ILDR1: variants seen among roughly 807,000 people sequenced by gnomAD.
ILDR1 encodes the protein immunoglobulin-like domain-containing receptor 1.
Under a neutral mutation model 62.4 loss-of-function variants are expected in ILDR1, and 56 were observed. That is an observed-to-expected ratio of 0.90 (90% confidence interval 0.72 to 1.12). ILDR1 has a LOEUF of 1.12. ILDR1 is among the 50% of genes most tolerant of loss of function. The probability of loss-of-function intolerance (pLI) is 0.00; values close to 1 mark genes in which losing one functional copy is unlikely to be tolerated. For missense variants in ILDR1, 736 were observed against 710.6 expected (o/e 1.04, Z -0.41); for synonymous variants, 284 against 277.8 (o/e 1.02, Z -0.22).
intron 1 of ILDR1, among the ~76,000 whole-genome samples, chr3:122,016,838 T>A (rs1418079734): frequency 1.3e-5 from 2 of 152,130 alleles, no homozygotes; most frequent in Non-Finnish European, 2.9e-5. Flanking sequence ...AGAAGATGCT[T>A]AAAGTAGGCT....
chr3:122,005,792 G>C (rs1413780860), intron 2 of ILDR1, among the ~76,000 whole-genome samples: 1 of 151,982 alleles, frequency 6.6e-6, no homozygotes, highest in Non-Finnish European at 1.5e-5. Context: ...CCAGCTACTC[G>C]GGAGGCTAAG....
At chr3:122,019,734 T>C (rs771116860) in intron 1 of ILDR1, among the ~76,000 whole-genome samples, 1 of 152,214 alleles carries the variant, frequency 6.6e-6, no homozygotes, top group East Asian at 1.9e-4. Context: ...TACCTAAATA[T>C]GACACAATTT....
chr3:122,005,283 C>G lies in ILDR1; in HGVS notation c.340G>C (p.Gly114Arg), dbSNP rs766566337. The change falls in exon 3 of 8, where the codon GGG becomes CGG. Residue 114 changes from glycine to arginine, a missense_variant. Transcript: ENST00000344209. ...ATCTTGCGCTGCCGGTAATCTACCC[C>G]CAGCACGGGCTCATTCTGCCCCCGC... is the stretch of plus-strand genomic sequence containing the variant. ...QRRGQNEPVL[G>R]VDYRQRKITI... 9 of 1,613,756 alleles carry G rather than the reference C, an allele frequency of 5.6e-6. No individual in the cohort carries two copies. The highest frequency in any genetic ancestry group is 6.8e-6 in the Non-Finnish European group (8 of 1,179,902).
intron 5 of ILDR1, among the ~76,000 whole-genome samples, chr3:121,999,055 C>T (rs887806029): frequency 1.3e-5 from 2 of 152,230 alleles, no homozygotes; most frequent in African/African-American, 4.8e-5. Flanking sequence ...GACTACACAT[C>T]AGACATCCAA....
At chr3:122,050,772 A>G in the ILDR1 span, among the ~76,000 whole-genome samples, 4 of 152,074 alleles carry the variant, frequency 2.6e-5, no homozygotes, top group Non-Finnish European at 2.9e-5. Flanking sequence ...ATTGCTGTTT[A>G]GTATCTTTCC....
chr3:122,007,123 G>A lies in ILDR1; in HGVS notation c.97C>T (p.Arg33Cys), dbSNP rs148044268. ...SLLVTVQHTE[R>C]YVTLFASIIL... ...ATAGAGGCAAACAGGGTGACATAGCGTTCTGTGTGCTGGACCGTCACAAGC... is the reference window on the plus strand; with the variant it reads ...ATAGAGGCAAACAGGGTGACATAGCATTCTGTGTGCTGGACCGTCACAAGC... The change falls in exon 2 of 8, where the codon CGC becomes TGC. Residue 33 changes from arginine to cysteine, a missense_variant. Physicochemically the swap from Arg to Cys is radical, Grantham distance 180 (BLOSUM62 -3). Coordinates refer to ENST00000344209, the MANE Select transcript of ILDR1 (RefSeq NM_001199799.2). The A allele has an allele frequency of 9.9e-6, 16 of 1,614,096 alleles. No homozygotes were observed. The East Asian group carries it at 1.1e-4, about 11-fold the overall frequency.
chr3:121,994,710 C>T (rs916308504), intron 5 of ILDR1, among the ~76,000 whole-genome samples: 4 of 152,172 alleles, frequency 2.6e-5, no homozygotes, highest in South Asian at 2.1e-4. Flanking sequence ...GGTCCAGATG[C>T]GAAGGACTTA....
the ILDR1 span, among the ~76,000 whole-genome samples, chr3:122,028,438 T>C: frequency 1.2e-4 from 19 of 152,166 alleles, no homozygotes; most frequent in Admixed American, 3.9e-4. Context: ...AAAAACAGTT[T>C]GTTATTCTCA....
chr3:122,010,056 A>G (rs540882168), intron 1 of ILDR1, among the ~76,000 whole-genome samples: 16 of 152,382 alleles, frequency 1.0e-4, no homozygotes, highest in African/African-American at 3.8e-4. Context: ...GGCTCCAAGA[A>G]GCAGGTAGAA....
chr3:122,008,840 G>A (rs1289544431), intron 1 of ILDR1, among the ~76,000 whole-genome samples: 6 of 151,948 alleles, frequency 3.9e-5, no homozygotes, highest in Admixed American at 2.6e-4. Context: ...TGATCCACCC[G>A]CCTCAGCCTC....
intron 1 of ILDR1, among the ~76,000 whole-genome samples, chr3:122,020,289 T>C (rs1025229142): frequency 6.6e-6 from 1 of 152,268 alleles, no homozygotes; most frequent in East Asian, 1.9e-4. Context: ...AAAAGCTGTA[T>C]GAGATATGTA....
At chr3:122,002,084 G>A (rs1480050792) in intron 3 of ILDR1, among the ~76,000 whole-genome samples, 1 of 152,174 alleles carries the variant, frequency 6.6e-6, no homozygotes, top group Non-Finnish European at 1.5e-5. Flanking sequence ...AAGCTGCAGT[G>A]AGCTATGAGT....
the ILDR1 span, among the ~76,000 whole-genome samples, chr3:122,046,161 T>C: frequency 2.6e-5 from 4 of 151,964 alleles, no homozygotes; most frequent in East Asian, 1.9e-4. Context: ...AGTATTTTAT[T>C]TCTCCTTCAC....
the ILDR1 span, among the ~76,000 whole-genome samples, chr3:122,059,189 AG>A: frequency 1.3e-5 from 2 of 152,270 alleles, no homozygotes; most frequent in East Asian, 3.9e-4. Context: ...ATGCACATGA[AG>A]AGTCTTCTGC....
chr3:122,045,554 A>T, the ILDR1 span, among the ~76,000 whole-genome samples: 1 of 149,502 alleles, frequency 6.7e-6, no homozygotes, highest in African/African-American at 2.4e-5. Context: ...TGGGAGTCTA[A>T]GTCTCTTTGT....
intron 1 of ILDR1, among the ~76,000 whole-genome samples, chr3:122,015,152 C>T (rs192444037): frequency 6.6e-5 from 10 of 152,294 alleles, no homozygotes; most frequent in African/African-American, 9.6e-5. Flanking sequence ...TCAGAAACTA[C>T]GAGAGCATTG....
intron 1 of ILDR1, among the ~76,000 whole-genome samples, chr3:122,011,654 TTCTCTCTC>T (rs142396206): frequency 3.0e-5 from 2 of 67,696 alleles, no homozygotes; most frequent in East Asian, 2.7e-4. Flanking sequence ...CTGTCTCTCT[TTCTCTCTC>T]TCTCTCTCTC....
chr3:122,031,735 A>G, the ILDR1 span, among the ~76,000 whole-genome samples: 2 of 152,234 alleles, frequency 1.3e-5, no homozygotes. Context: ...TGAATCTGCC[A>G]GAATCTTGAT....
At chr3:122,035,110 C>T in the ILDR1 span, among the ~76,000 whole-genome samples, 1 of 152,192 alleles carries the variant, frequency 6.6e-6, no homozygotes, top group Non-Finnish European at 1.5e-5. Context: ...GGGACAGCAA[C>T]TACTGCCAAA....
Sources: allele counts gnomAD v4.1 joint callset (sites outside exome capture counted in the v4.1 genomes callset), GRCh38; gene constraint gnomAD v4.1.1; transcripts MANE v1.5; gene names NCBI Gene and HGNC (gene_info 2026-07-23, HGNC 2026-07-21).